The following PDE1C variants were observed in gnomAD, a reference collection of about 807,000 sequenced individuals.
PDE1C encodes phosphodiesterase 1C, also known as dual specificity calcium/calmodulin-dependent 3',5'-cyclic nucleotide phosphodiesterase 1C.
In PDE1C, 62 loss-of-function variants were observed where a neutral mutation model predicts 93.1. The observed-to-expected ratio is 0.67, with a 90% CI of 0.54 to 0.82. PDE1C has a LOEUF of 0.82. PDE1C is among the 40% of genes least tolerant of loss of function. The pLI, the probability that PDE1C is intolerant of heterozygous loss-of-function variation, is 0.00. For synonymous variants in PDE1C, 325 were observed against 310.1 expected, an observed-to-expected ratio of 1.05 and a Z score of -0.50; for missense variants, 742 against 884.6, an observed-to-expected ratio of 0.84 and a Z score of 2.04.
At chr7:32,049,808 G>A (rs1220450240) in intron 2 of PDE1C, among the ~76,000 whole-genome samples, 3 of 151,686 alleles carry the variant, frequency 2.0e-5, no homozygotes, top group Non-Finnish European at 2.9e-5. Context: ...GTCAGCAAAA[G>A]GTCTAAGTAA....
intron 17 of PDE1C, among the ~76,000 whole-genome samples, chr7:31,763,665 T>C (rs1050821474): frequency 3.3e-5 from 5 of 152,246 alleles, no homozygotes; most frequent in Non-Finnish European, 5.9e-5. Flanking sequence ...CCATGTGCCA[T>C]TGCACAGTAC....
chr7:31,880,189 G>C (rs1002348474), intron 3 of PDE1C, among the ~76,000 whole-genome samples: 1 of 152,078 alleles, frequency 6.6e-6, no homozygotes, highest in Non-Finnish European at 1.5e-5. Flanking sequence ...TTTTTCAAAA[G>C]AAATGCAATT....
intron 17 of PDE1C, 37 bp from the exon 18 acceptor site, chr7:31,753,590 C>A: frequency 6.3e-7 from 1 of 1,588,320 alleles, no homozygotes. Flanking sequence ...CAACGGTTAG[C>A]CTCACCCACG....
chr7:32,421,198 G>T (rs1003780468), intron 1 of PDE1C, among the ~76,000 whole-genome samples: 1 of 152,160 alleles, frequency 6.6e-6, no homozygotes, highest in Non-Finnish European at 1.5e-5. Context: ...TACCTCAGAA[G>T]TAGGTGATCT....
intron 1 of PDE1C, among the ~76,000 whole-genome samples, chr7:32,309,996 C>G (rs2128904307): frequency 6.6e-6 from 1 of 152,248 alleles, no homozygotes. Flanking sequence ...GTGCTGTATT[C>G]AGGAAACCCA....
intron 2 of PDE1C, among the ~76,000 whole-genome samples, chr7:32,004,500 C>T (rs888730751): frequency 1.3e-5 from 2 of 152,170 alleles, no homozygotes; most frequent in African/African-American, 2.4e-5. Context: ...TCCCAAGCTC[C>T]GCTAGTCCAA....
chr7:31,886,171 CA>C (rs1467583906), intron 2 of PDE1C, among the ~76,000 whole-genome samples: 7 of 152,202 alleles, frequency 4.6e-5, no homozygotes, highest in Non-Finnish European at 7.3e-5. Context: ...AAAAAAACTT[CA>C]TTTCAGTTCA....
At chr7:31,673,679 T>C in the PDE1C span, among the ~76,000 whole-genome samples, 1 of 151,094 alleles carries the variant, frequency 6.6e-6, no homozygotes, top group African/African-American at 2.4e-5. Context: ...TTTTAACCTA[T>C]CTGGAATTTA....
the PDE1C span, among the ~76,000 whole-genome samples, chr7:31,719,424 A>G: frequency 6.6e-6 from 1 of 152,214 alleles, no homozygotes; most frequent in Non-Finnish European, 1.5e-5. Context: ...TTGCTCTTTC[A>G]GGAAATTCAA....
intron 4 of PDE1C, 24 bp from the exon 5 acceptor site, chr7:31,878,060 G>A (rs954001647): frequency 2.6e-6 from 4 of 1,534,614 alleles, no homozygotes; most frequent in South Asian, 1.1e-5. Context: ...AGGGAAAAAT[G>A]CAACATGATA....
intron 3 of PDE1C, among the ~76,000 whole-genome samples, chr7:32,127,946 A>G (rs1799679353): frequency 6.6e-6 from 1 of 152,020 alleles, no homozygotes. Flanking sequence ...ATGAAAAGAA[A>G]CTTACCCAAT....
the PDE1C span, chr7:31,652,946 C>G: frequency 2.7e-6 from 4 of 1,492,476 alleles, no homozygotes; most frequent in Non-Finnish European, 3.6e-6. Flanking sequence ...AGCTATATCT[C>G]TCATATTCTA....
intron 1 of PDE1C, among the ~76,000 whole-genome samples, chr7:32,262,788 T>C (rs973341506): frequency 1.3e-5 from 2 of 152,196 alleles, no homozygotes; most frequent in Non-Finnish European, 2.9e-5. Flanking sequence ...GATAGTATTT[T>C]GGAATAAGAT....
the PDE1C span, among the ~76,000 whole-genome samples, chr7:31,700,533 C>G: frequency 1.3e-5 from 2 of 152,122 alleles, no homozygotes; most frequent in Non-Finnish European, 2.9e-5. Flanking sequence ...AGGAAGTGAT[C>G]CAGAAAATCT....
chr7:32,055,178 C>A (rs1014248327), intron 1 of PDE1C, among the ~76,000 whole-genome samples: 1 of 152,108 alleles, frequency 6.6e-6, no homozygotes, highest in Non-Finnish European at 1.5e-5. Context: ...AAAAATTGAT[C>A]AAAAATGCTT....
At chr7:31,836,251 A>G (rs1378513127) in intron 11 of PDE1C, among the ~76,000 whole-genome samples, 1 of 152,202 alleles carries the variant, frequency 6.6e-6, no homozygotes, top group Non-Finnish European at 1.5e-5. Context: ...TCTTGGTGCT[A>G]TGCATTTATT....
chr7:32,414,030 T>G (rs537720331), intron 1 of PDE1C, among the ~76,000 whole-genome samples: 117 of 151,728 alleles, frequency 7.7e-4, no homozygotes, highest in Non-Finnish European at 4.6e-4. Context: ...CACAGCAACA[T>G]AGTGAGACCC....
chr7:32,298,391 A>T (rs1247448203), intron 1 of PDE1C, among the ~76,000 whole-genome samples: 2 of 151,964 alleles, frequency 1.3e-5, no homozygotes, highest in Non-Finnish European at 2.9e-5. Context: ...GAAACCGAGC[A>T]GTTCGGGGAG....
At chr7:31,806,455 A>G (rs1214595100) in intron 16 of PDE1C, among the ~76,000 whole-genome samples, 1 of 151,958 alleles carries the variant, frequency 6.6e-6, no homozygotes, top group Admixed American at 6.6e-5. Flanking sequence ...TTTTATGTCA[A>G]TACATTTCTC....
Sources: gnomAD v4.1 joint callset for allele counts (sites outside exome capture counted in the v4.1 genomes callset) on GRCh38, gnomAD v4.1.1 for gene constraint, MANE v1.5 for transcripts, NCBI Gene and HGNC (gene_info 2026-07-23, HGNC 2026-07-21) for gene names.